The following PRKCH variants were observed in gnomAD, a reference collection of about 807,000 sequenced individuals.
The protein encoded by PRKCH is protein kinase C eta, also known as protein kinase C eta type.
Under a neutral mutation model 82.5 loss-of-function variants are expected in PRKCH, and 28 were observed. That is an observed-to-expected ratio of 0.34 (90% CI 0.25 to 0.47). PRKCH has a LOEUF of 0.47. Ranked by LOEUF, PRKCH falls within the 20% of genes least tolerant of loss-of-function variation. The pLI, the probability that PRKCH is intolerant of heterozygous loss-of-function variation, is 1.00. For missense variants in PRKCH, 705 were observed against 881.8 expected (o/e 0.80, Z 2.54); for synonymous variants, 322 against 327.4 (o/e 0.98, Z 0.18).
In PRKCH at chr14:61,202,318, C is replaced by A. The variant is rs143701741; in HGVS notation, c.-19+14650C>A. 1.9e-3 allele frequency among the ~76,000 whole-genome samples: 293 copies of A among 152,308 alleles called. 1 individual carries two copies. The highest frequency in any genetic ancestry group is 6.8e-3 in the African/African-American group (282 of 41,576). On this transcript the variant is annotated intron_variant, in intron 1 of 3. Coordinates refer to the PRKCH transcript ENST00000555185. ...TTTTACATAGTCCCAGGTGGGAGTT[C>A]CACTTCCTCTTCCGGTCTGTGTCTT...
chr14:61,402,881 TTTA>T (rs1304918797), intron 2 of PRKCH, among the ~76,000 whole-genome samples: 244 of 151,668 alleles, frequency 1.6e-3, no homozygotes, highest in African/African-American at 5.4e-3. Flanking sequence ...TTTATTTTTA[TTTA>T]TTATTATTAG....
intron 1 of PRKCH, among the ~76,000 whole-genome samples, chr14:61,375,631 A>T (rs144536425): frequency 0.012 from 1,758 of 152,018 alleles, 51 homozygotes; most frequent in African/African-American, 0.039. Context: ...GGGAAGTGCC[A>T]CACACTTTCA....
At chr14:61,216,372 C>T (rs1230891809) in intron 1 of PRKCH, among the ~76,000 whole-genome samples, 1 of 151,290 alleles carries the variant, frequency 6.6e-6, no homozygotes, top group Admixed American at 6.6e-5. Context: ...GGCTGAGGCA[C>T]GAGAATCATT....
At chr14:61,450,092 A>G (rs543076463) in intron 5 of PRKCH, among the ~76,000 whole-genome samples, 1 of 152,330 alleles carries the variant, frequency 6.6e-6, no homozygotes, top group South Asian at 2.1e-4. Flanking sequence ...TCTTTATAGT[A>G]CACATATAGG....
At chr14:61,282,340 C>G (rs150115228) in intron 1 of PRKCH, among the ~76,000 whole-genome samples, 1 of 138,586 alleles carries the variant, frequency 7.2e-6, no homozygotes, top group African/African-American at 2.7e-5. Context: ...GTTCTGATTT[C>G]TTACTAAATC....
At chr14:61,429,912 C>G (rs1455564948) in intron 2 of PRKCH, among the ~76,000 whole-genome samples, 2 of 152,186 alleles carry the variant, frequency 1.3e-5, no homozygotes, top group Non-Finnish European at 2.9e-5. Flanking sequence ...TTTAGTCTCT[C>G]TACCCCGCTG....
chr14:61,391,937 A>G (rs2046688920), intron 2 of PRKCH, among the ~76,000 whole-genome samples: 1 of 152,196 alleles, frequency 6.6e-6, no homozygotes, highest in Non-Finnish European at 1.5e-5. Context: ...CCCAGAGGCA[A>G]TAAGTAAAGT....
chr14:61,536,696 C>T (rs973721154), intron 12 of PRKCH, among the ~76,000 whole-genome samples: 16 of 152,272 alleles, frequency 1.1e-4, no homozygotes, highest in African/African-American at 3.9e-4. Context: ...CTTCATCTGG[C>T]GTGATGTCAG....
At chr14:61,370,721 CTCTG>C (rs1566842830) in intron 1 of PRKCH, among the ~76,000 whole-genome samples, 1 of 152,032 alleles carries the variant, frequency 6.6e-6, no homozygotes, top group African/African-American at 2.4e-5. Flanking sequence ...TTTCTTCGCT[CTCTG>C]TATTTCTGTC....
At chr14:61,423,847 T>G (rs1268380990) in intron 2 of PRKCH, among the ~76,000 whole-genome samples, 1 of 152,188 alleles carries the variant, frequency 6.6e-6, no homozygotes. Context: ...TTTTTAAATA[T>G]AATAACTGAT....
At chr14:61,545,843 A>C (rs2043249669) in intron 12 of PRKCH, among the ~76,000 whole-genome samples, 1 of 152,168 alleles carries the variant, frequency 6.6e-6, no homozygotes, top group South Asian at 2.1e-4. Context: ...GCAGGGAGGA[A>C]TGGGCAAGCC....
intron 9 of PRKCH, among the ~76,000 whole-genome samples, chr14:61,468,393 T>C (rs1257742426): frequency 2.0e-5 from 3 of 152,180 alleles, no homozygotes; most frequent in Admixed American, 2.0e-4. Context: ...GGATCTGACT[T>C]TGGGGCCAAC....
At chr14:61,313,582 C>A (rs76276222) in intron 1 of PRKCH, among the ~76,000 whole-genome samples, 2 of 152,068 alleles carry the variant, frequency 1.3e-5, no homozygotes, top group African/African-American at 2.4e-5. Context: ...AGTCTGTTCT[C>A]ATGCTGTTGA....
chr14:61,281,217 G>T, intron 1 of PRKCH: 1 of 1,035,714 alleles, frequency 9.7e-7, no homozygotes, highest in South Asian at 4.2e-5. Flanking sequence ...CTCCCTCTCC[G>T]CGCCGCGCAA....
At chr14:61,268,561 G>A (rs1192240562) in intron 1 of PRKCH, among the ~76,000 whole-genome samples, 1 of 152,058 alleles carries the variant, frequency 6.6e-6, no homozygotes, top group Non-Finnish European at 1.5e-5. Flanking sequence ...CCAGCTACTT[G>A]GGAGACTGAG....
intron 9 of PRKCH, among the ~76,000 whole-genome samples, chr14:61,468,980 A>G (rs1397741921): frequency 6.6e-6 from 1 of 152,166 alleles, no homozygotes; most frequent in African/African-American, 2.4e-5. Flanking sequence ...TTGAAACACC[A>G]AGTGCCAGGA....
chr14:61,285,235 C>G (rs1328192816), intron 1 of PRKCH, among the ~76,000 whole-genome samples: 1 of 152,160 alleles, frequency 6.6e-6, no homozygotes, highest in East Asian at 1.9e-4. Flanking sequence ...CACTGCCACA[C>G]CAATGTATAT....
intron 9 of PRKCH, among the ~76,000 whole-genome samples, chr14:61,473,231 G>A (rs1273616491): frequency 1.3e-5 from 2 of 152,214 alleles, no homozygotes; most frequent in African/African-American, 4.8e-5. Context: ...GGTTGGCGGC[G>A]GGGGTAGGGG....
intron 1 of PRKCH, among the ~76,000 whole-genome samples, chr14:61,337,049 C>T (rs929390578): frequency 2.9e-4 from 33 of 112,036 alleles, no homozygotes; most frequent in African/African-American, 1.1e-3. Flanking sequence ...GCCTGGGTTA[C>T]GAAGTGACAG....
Sources: allele counts gnomAD v4.1 joint callset (sites outside exome capture counted in the v4.1 genomes callset), GRCh38; gene constraint gnomAD v4.1.1; transcripts MANE v1.5; gene names NCBI Gene and HGNC (gene_info 2026-07-23, HGNC 2026-07-21).